The following GPC6 variants were observed in gnomAD, a reference collection of about 807,000 sequenced individuals.
GPC6 encodes the protein glypican 6.
In GPC6, 14 loss-of-function variants were observed where a neutral mutation model predicts 55.2. The observed-to-expected ratio is 0.25, with a 90% CI of 0.17 to 0.40. GPC6 has a LOEUF of 0.40. GPC6 is among the 10% of genes least tolerant of loss of function. GPC6 has a pLI of 1.00. For missense variants in GPC6, 641 were observed against 708.5 expected (o/e 0.90, Z 1.08); for synonymous variants, 278 against 259.6 (o/e 1.07, Z -0.68).
chr13:93,501,104 T>G (rs1880505032), intron 1 of GPC6, among the ~76,000 whole-genome samples: 1 of 152,136 alleles, frequency 6.6e-6, no homozygotes, highest in African/African-American at 2.4e-5. Context: ...TTATTATAAA[T>G]AAGATGAAAA....
At chr13:93,860,631 A>G (rs1485633314) in intron 3 of GPC6, among the ~76,000 whole-genome samples, 3 of 151,624 alleles carry the variant, frequency 2.0e-5, no homozygotes, top group East Asian at 3.9e-4. Flanking sequence ...CTTGTTCTGT[A>G]TGATATTCTT....
chr13:94,403,128 G>T lies in GPC6; in HGVS notation c.1579G>T (p.Val527Leu). ...CGCAGTGGATCCCGACCGGAGAGAG[G>T]TGGACTCTTCTGCAGCCCAGCGTGG... ...APAVDPDRRE[V>L]DSSAAQRGHS... Residue 527 changes from valine (V) to leucine (L), a missense_variant, in exon 9 of 9, where the codon GTG (valine) becomes TTG (leucine). Transcript: ENST00000377047. 2 of 1,613,970 alleles carry T rather than the reference G, an allele frequency of 1.2e-6. No homozygotes were observed. The highest frequency in any genetic ancestry group is 1.7e-6 in the Non-Finnish European group (2 of 1,179,800).
intron 4 of GPC6, among the ~76,000 whole-genome samples, chr13:94,172,261 A>G (rs1888596919): frequency 1.3e-5 from 2 of 152,168 alleles, no homozygotes; most frequent in Non-Finnish European, 2.9e-5. Context: ...AAAAATGCGT[A>G]TCTCATAGAT....
intron 2 of GPC6, among the ~76,000 whole-genome samples, chr13:93,785,852 C>T (rs1166288466): frequency 6.6e-6 from 1 of 151,964 alleles, no homozygotes; most frequent in Non-Finnish European, 1.5e-5. Flanking sequence ...ATCCCAGCTA[C>T]TTGGGAGGCT....
intron 4 of GPC6, among the ~76,000 whole-genome samples, chr13:94,152,560 C>A (rs1452323734): frequency 6.6e-6 from 1 of 151,974 alleles, no homozygotes; most frequent in African/African-American, 2.4e-5. Context: ...ATAGGAAGAG[C>A]ATTACTGAGA....
intron 2 of GPC6, among the ~76,000 whole-genome samples, chr13:93,597,107 C>T (rs1205953662): frequency 6.6e-6 from 1 of 151,874 alleles, no homozygotes; most frequent in African/African-American, 2.4e-5. Context: ...CTAGGCCTTC[C>T]ACTGGTAGAT....
At chr13:94,225,506 G>A (rs562037427) in intron 4 of GPC6, among the ~76,000 whole-genome samples, 29 of 152,058 alleles carry the variant, frequency 1.9e-4, no homozygotes, top group African/African-American at 6.3e-4. Context: ...TAACAAGTTA[G>A]TACAAGTTTA....
Position 93,634,736 on chromosome 13 carries a change from G to A in GPC6, c.319+89315G>A, listed in dbSNP as rs190396297. ...GAAGGAAGAAGGACAAAGTAGTATC[G>A]GTATCAGGAAAGCAAAGGCTTTCCC... On this transcript the variant is annotated intron_variant, in intron 2 of 8. Transcript: ENST00000377047. Among the ~76,000 whole-genome samples, 9 of 152,270 alleles carry A rather than the reference G, an allele frequency of 5.9e-5. 1 individual carries two copies. The highest frequency in any genetic ancestry group is 4.1e-4 in the South Asian group (2 of 4,826).
intron 4 of GPC6, among the ~76,000 whole-genome samples, chr13:94,165,443 T>A (rs1271314819): frequency 1.3e-5 from 2 of 151,912 alleles, no homozygotes; most frequent in Non-Finnish European, 2.9e-5. Flanking sequence ...AGCTAAGCTA[T>A]GAGGATGCAA....
At chr13:93,253,074 T>A (rs1876840277) in intron 1 of GPC6, among the ~76,000 whole-genome samples, 2 of 152,230 alleles carry the variant, frequency 1.3e-5, no homozygotes, top group Admixed American at 1.3e-4. Context: ...TATAGGTATA[T>A]GTCTATCAAA....
At chr13:94,273,254 A>C (rs532919719) in intron 4 of GPC6, among the ~76,000 whole-genome samples, 1 of 152,300 alleles carries the variant, frequency 6.6e-6, no homozygotes, top group East Asian at 1.9e-4. Context: ...GGCCTGACGC[A>C]CATCTTATGA....
At chr13:93,847,609 C>T (rs756879181) in intron 3 of GPC6, among the ~76,000 whole-genome samples, 9 of 152,090 alleles carry the variant, frequency 5.9e-5, no homozygotes, top group African/African-American at 7.2e-5. Context: ...TGGGTGCATA[C>T]GGTGTTACAC....
intron 1 of GPC6, among the ~76,000 whole-genome samples, chr13:93,523,835 CTA>C (rs1881544685): frequency 6.6e-6 from 1 of 151,880 alleles, no homozygotes; most frequent in Non-Finnish European, 1.5e-5. Flanking sequence ...TTGTTAAAAT[CTA>C]TATGGGAATC....
At chr13:93,796,381 T>A (rs978398561) in intron 2 of GPC6, among the ~76,000 whole-genome samples, 1 of 151,942 alleles carries the variant, frequency 6.6e-6, no homozygotes, top group Non-Finnish European at 1.5e-5. Flanking sequence ...GAGAGTGGAC[T>A]TTTTTTTAGC....
intron 2 of GPC6, among the ~76,000 whole-genome samples, chr13:93,713,027 A>G (rs1883126540): frequency 6.6e-6 from 1 of 151,620 alleles, no homozygotes; most frequent in South Asian, 2.1e-4. Flanking sequence ...ATAAATATAT[A>G]TTTATGTATG....
rs181497243 is a variant in GPC6, at chr13:93,741,441, C to G, written c.320-88713C>G. On this transcript the variant is annotated intron_variant, in intron 2 of 8. Coordinates refer to ENST00000377047, the MANE Select transcript of GPC6 (RefSeq NM_005708.5). Reference sequence around the variant, plus strand: ...AGAATCTTCTTAATCTTGTCTTCTACAAGACATGGAGTCACAGGGCAAGTT... The same window carrying G: ...AGAATCTTCTTAATCTTGTCTTCTAGAAGACATGGAGTCACAGGGCAAGTT... 3.4e-3 allele frequency among the ~76,000 whole-genome samples: 518 copies of G among 152,214 alleles called. 5 individuals are homozygous for G. Among genetic ancestry groups the G allele is most frequent in the African/African-American group, 0.012 (498 of 41,534 alleles).
intron 4 of GPC6, among the ~76,000 whole-genome samples, chr13:94,215,259 T>C (rs1890192354): frequency 6.6e-6 from 1 of 152,192 alleles, no homozygotes. Context: ...CATTTTTTTT[T>C]CTTGTGAAAA....
intron 4 of GPC6, among the ~76,000 whole-genome samples, chr13:94,150,837 T>TATATATATA (rs1555301323): frequency 4.2e-5 from 6 of 144,424 alleles, no homozygotes; most frequent in Admixed American, 6.9e-5. Flanking sequence ...TATATGTTTA[T>TATATATATA]TGAATGAGTA....
chr13:93,433,457 G>A (rs1877447557), intron 1 of GPC6, among the ~76,000 whole-genome samples: 1 of 152,088 alleles, frequency 6.6e-6, no homozygotes, highest in African/African-American at 2.4e-5. Flanking sequence ...GGAAGACCAT[G>A]GCCTTTGGAA....
Sources: allele counts gnomAD v4.1 joint callset (sites outside exome capture counted in the v4.1 genomes callset), GRCh38; gene constraint gnomAD v4.1.1; transcripts MANE v1.5; gene names NCBI Gene and HGNC (gene_info 2026-07-23, HGNC 2026-07-21).